Variants in AJUBA observed in about 807,000 individuals in gnomAD.
The protein encoded by AJUBA is ajuba LIM protein.
In AJUBA, 20 loss-of-function variants were observed where a neutral mutation model predicts 53.3. That is an observed-to-expected ratio of 0.38 (90% confidence interval 0.26 to 0.55). The LOEUF (loss-of-function observed/expected upper bound fraction) is 0.55, where lower values mean the gene tolerates loss of function less well. Among genes scored for constraint, AJUBA ranks in the 20% least tolerant of loss-of-function variants. The probability of loss-of-function intolerance (pLI) is 0.80; values close to 1 mark genes in which losing one functional copy is unlikely to be tolerated. For missense variants in AJUBA, 580 were observed against 730.5 expected, an observed-to-expected ratio of 0.79 and a Z score of 2.38; for synonymous variants, 296 against 306.2, an observed-to-expected ratio of 0.97 and a Z score of 0.35.
chr14:22,975,247 G>A, intron 4 of AJUBA, 143 bp from the exon 5 acceptor site: 1 of 1,194,130 alleles, frequency 8.4e-7, no homozygotes, highest in Admixed American at 2.7e-5. Flanking sequence ...CGGTGAAGAA[G>A]TCGTAAAATG....
In AJUBA at chr14:22,982,098, C is replaced by G. The variant is rs774298168; in HGVS notation, c.169G>C (p.Gly57Arg). 1.9e-6 allele frequency: 3 copies of G among 1,594,536 alleles called. No homozygotes were observed. In the South Asian group the frequency reaches 3.4e-5, roughly 18 times the overall value. The stretch of plus-strand genomic sequence containing the variant: ...CGGGCCGGCTCCAACGGCTCATCCC[C>G]AGGTCCCCCAGTAGCTCCTCGGGGC... ...SGPRGATGGP[G>R]DEPLEPAREQ... Residue 57 changes from glycine (G) to arginine (R), a missense_variant, in exon 1 of 8, where the codon GGG (glycine) becomes CGG (arginine). Gly to Arg is a moderately radical substitution (Grantham distance 125, BLOSUM62 -2). Around this residue, in one of 2 missense-constraint regions of AJUBA, gnomAD observed 430 missense variants for 471.5 expected, o/e 0.91. Coordinates refer to ENST00000262713, the MANE Select transcript of AJUBA (RefSeq NM_032876.6).
Position 22,981,607 on chromosome 14 carries a change from C to A in AJUBA, c.660G>T (p.Ala220=). Residue 220 remains alanine, a synonymous_variant, in exon 1 of 8, where the codon GCG becomes GCT. Transcript: ENST00000262713. ...ALDRLYAQRP[A]GFGCQESRHS... ...GGCGGCTTTCCTGGCAGCCGAACCC[C>A]GCGGGCCGCTGAGCGTACAATCGGT... 1.3e-6 allele frequency: 2 copies of A among 1,534,388 alleles called. No homozygotes were observed.
chr14:22,977,220 G>T (rs765374843), intron 2 of AJUBA: 1 of 987,608 alleles, frequency 1.0e-6, no homozygotes, highest in Non-Finnish European at 1.2e-6. Flanking sequence ...CAGGACTGGA[G>T]TTACTGCAGA....
At chr14:22,978,603 G>T in intron 1 of AJUBA, 158 bp from the exon 2 acceptor site, 1 of 1,415,024 alleles carries the variant, frequency 7.1e-7, no homozygotes, top group Non-Finnish European at 9.2e-7. Flanking sequence ...GATGCAGCAA[G>T]ATCTTGGCTG....
In AJUBA at chr14:22,979,236, G is replaced by T; in HGVS notation, c.1007-791C>A. On this transcript the variant is annotated intron_variant, in intron 1 of 7. Transcript: ENST00000262713. This position sits in a 1 kb window ranked among gnomAD's most constrained non-coding sequence, Gnocchi z 4.0. The stretch of plus-strand genomic sequence containing the variant: ...TGGCTCTGGGACTTGCCTTTCCTGG[G>T]TGTGTTCTTCCCTCCCTCCACTCCC... The T allele has an allele frequency of 6.4e-6, 5 of 776,962 alleles. No individual in the cohort carries two copies. Among genetic ancestry groups the T allele is most frequent in the Non-Finnish European group, 7.8e-6 (5 of 640,042 alleles). 48.1% of individuals were successfully genotyped at this position (776,962 alleles called of 1,614,324 possible). A position where few individuals can be genotyped will look rare whatever the true frequency, so the allele number is the denominator to read the frequency against.
rs1324843468 is a variant in AJUBA, at chr14:22,982,483, C to T, written c.-217G>A. ...CCCGCGCATCTGGGGCTGAGCGGGG[C>T]TAGCAGGGTCTCTGGCCGCGGCTGT... is the stretch of plus-strand genomic sequence containing the variant. On this transcript the variant is annotated 5_prime_UTR_variant, in exon 1 of 8. Transcript: ENST00000262713. The T allele has an allele frequency of 1.4e-6, 2 of 1,412,614 alleles. No individual in the cohort carries two copies. Among genetic ancestry groups the T allele is most frequent in the Non-Finnish European group, 1.8e-6 (2 of 1,090,088 alleles). The allele number at this position is 1,412,614 out of a possible 1,614,324, so 87.5% of individuals were successfully genotyped here. A position where few individuals can be genotyped will look rare whatever the true frequency, so the allele number is the denominator to read the frequency against.
At chr14:22,973,892 G>A (rs748111379) in intron 7 of AJUBA, among the ~76,000 whole-genome samples, 155 bp downstream of exon 7, 8 of 152,064 alleles carry the variant, frequency 5.3e-5, no homozygotes, top group Non-Finnish European at 1.0e-4. Context: ...GAGAGTGGCT[G>A]GAGGACAAAA....
intron 7 of AJUBA, 124 bp downstream of exon 7, chr14:22,973,923 C>T: frequency 1.8e-6 from 2 of 1,136,370 alleles, no homozygotes; most frequent in Non-Finnish European, 2.6e-6. Context: ...AGATAGGTCA[C>T]AATATCTTTC....
At chr14:22,976,843 G>C (rs768070804) in intron 2 of AJUBA, 131 bp from the exon 3 acceptor site, 109 of 1,452,570 alleles carry the variant, frequency 7.5e-5, no homozygotes, top group Non-Finnish European at 9.5e-5. Flanking sequence ...ACTGCTGTCT[G>C]TCCTTCCCCG....
intron 1 of AJUBA, chr14:22,980,712 C>A (rs2139356914): frequency 1.0e-6 from 1 of 982,418 alleles, no homozygotes; most frequent in East Asian, 1.1e-4. Flanking sequence ...TGCTAGGGAG[C>A]GTCCCCCGAT....
At chr14:22,980,634 T>C in intron 1 of AJUBA, 2 of 985,302 alleles carry the variant, frequency 2.0e-6, no homozygotes, top group Non-Finnish European at 2.4e-6. Flanking sequence ...GGACAGCAGT[T>C]GGGTCCCAGG....
chr14:22,978,368 G>C lies in AJUBA; in HGVS notation c.1084C>G (p.Gln362Glu), dbSNP rs2045057654. 1 of 1,613,736 alleles carries C rather than the reference G, an allele frequency of 6.2e-7. No individual in the cohort carries two copies. Among genetic ancestry groups the C allele is most frequent in the Non-Finnish European group, 8.5e-7 (1 of 1,179,792 alleles). Residue 362 changes from glutamine to glutamate, a missense_variant, in exon 2 of 8, where the codon CAG becomes GAG. This residue lies in a region of AJUBA where 150 missense variants were observed against 259.0 expected (regional missense o/e 0.58). Coordinates refer to ENST00000262713, the MANE Select transcript of AJUBA (RefSeq NM_032876.6). ...CQALDSLYHTQCFVCCSCGRT... is the reference protein window; with the variant it reads ...CQALDSLYHTECFVCCSCGRT... ...CCACAAGAGCAGCAAACAAAGCACT[G>C]GGTGTGGTAGAGGCTGTCCAGGGCC...
In AJUBA at chr14:22,981,988, C is replaced by T; in HGVS notation, c.279G>A (p.Pro93=). 2 of 1,577,102 alleles carry T rather than the reference C, an allele frequency of 1.3e-6. No individual in the cohort carries two copies. The highest frequency in any genetic ancestry group is 8.6e-7 in the Non-Finnish European group (1 of 1,167,372). Residue 93 remains proline, a synonymous_variant, in exon 1 of 8, where the codon CCG becomes CCA. Coordinates refer to ENST00000262713, the MANE Select transcript of AJUBA (RefSeq NM_032876.6). ...PRYEGSFPAG[P]PPTRALPLPQ... ...GTAGAGGCAAGGCCCGGGTGGGCGGCGGCCCCGCGGGAAAAGAGCCTTCGT... is the reference window on the plus strand; with the variant it reads ...GTAGAGGCAAGGCCCGGGTGGGCGGTGGCCCCGCGGGAAAAGAGCCTTCGT...
chr14:22,980,821 C>G (rs1169578326), intron 1 of AJUBA: 2 of 288,528 alleles, frequency 6.9e-6, no homozygotes, highest in Non-Finnish European at 1.0e-5. Context: ...CCAGCCTGCC[C>G]CGCCCCCCCA....
In AJUBA at chr14:22,981,708, G is replaced by C; in HGVS notation, c.559C>G (p.Pro187Ala). Residue 187 changes from proline to alanine, a missense_variant, in exon 1 of 8, where the codon CCC becomes GCC. Around this residue, in one of 2 missense-constraint regions of AJUBA, gnomAD observed 430 missense variants for 471.5 expected, o/e 0.91. Transcript: ENST00000262713. ...LPAGPCLFGP[P>A]LAGAPAGYSP... The stretch of plus-strand genomic sequence containing the variant: ...TAGCCTGCCGGTGCTCCGGCCAGGG[G>C]TGGGCCAAACAGGCACGGCCCCGCT... 6.5e-7 allele frequency: 1 copy of C among 1,527,162 alleles called. No homozygotes were observed. Among genetic ancestry groups the C allele is most frequent in the Non-Finnish European group, 8.8e-7 (1 of 1,141,316 alleles). 94.6% of individuals were successfully genotyped at this position (1,527,162 alleles called of 1,614,324 possible). A position where few individuals can be genotyped will look rare whatever the true frequency, so the allele number is the denominator to read the frequency against.
chr14:22,980,344 T>C (rs1203597052), intron 1 of AJUBA, among the ~76,000 whole-genome samples: 1 of 152,166 alleles, frequency 6.6e-6, no homozygotes, highest in African/African-American at 2.4e-5. Context: ...CAATCAATAC[T>C]TCCTGAACAG....
In AJUBA at chr14:22,981,374, C is replaced by T. The variant is rs964704125; in HGVS notation, c.893G>A (p.Arg298His). The T allele has an allele frequency of 1.2e-6, 2 of 1,613,034 alleles. No homozygotes were observed. The highest frequency in any genetic ancestry group is 1.7e-6 in the Non-Finnish European group (2 of 1,179,948). ...CGGCTCAATCCCCGAGGGTTCTCCG[C>T]GGGCTCCGGCTTCTCGCCCACCGGT... ...VGTGGREAGA[R>H]GEPSGIEPSG... Residue 298 changes from arginine to histidine, a missense_variant, in exon 1 of 8, where the codon CGC becomes CAC. Physicochemically the swap from Arg to His is conservative, Grantham distance 29. This residue lies in a region of AJUBA where 430 missense variants were observed against 471.5 expected (regional missense o/e 0.91). Coordinates refer to ENST00000262713, the MANE Select transcript of AJUBA (RefSeq NM_032876.6).
intron 4 of AJUBA, among the ~76,000 whole-genome samples, chr14:22,976,095 G>A (rs1472807709): frequency 1.3e-5 from 2 of 150,862 alleles, no homozygotes; most frequent in African/African-American, 2.4e-5. Flanking sequence ...CCTGGGAGGC[G>A]GAGGTTGCAG....
At position 22,973,572 on chromosome 14, in the gene AJUBA, G is replaced by C. The variant is rs749058533; in HGVS notation, c.1492-4C>G. ...CACTCAGCTGCATCCGGCAGTCCTAGGGAAGAAGGCACCTAGTTCACCTCA... is the reference window on the plus strand; with the variant it reads ...CACTCAGCTGCATCCGGCAGTCCTACGGAAGAAGGCACCTAGTTCACCTCA... On this transcript the variant is annotated splice_polypyrimidine_tract_variant and splice_region_variant and intron_variant, in intron 7 of 7. Transcript: ENST00000262713. 1 of 1,614,052 alleles carries C rather than the reference G, an allele frequency of 6.2e-7. No homozygotes were observed. Among genetic ancestry groups the C allele is most frequent in the Non-Finnish European group, 8.5e-7 (1 of 1,179,960 alleles).
Sources: gnomAD v4.1 joint callset for allele counts (sites outside exome capture counted in the v4.1 genomes callset) on GRCh38, gnomAD v4.1.1 for gene constraint, gnomAD v4.1.1 regional missense constraint, Gnocchi (gnomAD v3.1) non-coding constraint, MANE v1.5 for transcripts, NCBI Gene and HGNC (gene_info 2026-07-23, HGNC 2026-07-21) for gene names.